The following PTBP3 variants were observed in gnomAD, a reference collection of about 807,000 sequenced individuals.
PTBP3 encodes polypyrimidine tract-binding protein 3.
PTBP3 carries 20 observed loss-of-function variants against 58.7 expected under a neutral mutation model. The ratio of observed to expected loss-of-function variants is 0.34; its 90% CI spans 0.24 to 0.50. The LOEUF (loss-of-function observed/expected upper bound fraction) is 0.50, where lower values mean the gene tolerates loss of function less well. Among genes scored for constraint, PTBP3 ranks in the 20% least tolerant of loss-of-function variants. The pLI is 0.98. For synonymous variants in PTBP3, 185 were observed against 219.8 expected (o/e 0.84, Z 1.40); for missense variants, 509 against 637.2 (o/e 0.80, Z 2.17).
At chr9:112,330,489 TA>T in intron 1 of PTBP3, 1 of 1,509,530 alleles carries the variant, frequency 6.6e-7, no homozygotes, top group Admixed American at 2.0e-5. Flanking sequence ...ATGGAAAAAG[TA>T]AAAAGAGAAA....
At position 112,220,144 on chromosome 9, in the gene PTBP3, T is replaced by A. The variant is rs776608133; in HGVS notation, c.*3707A>T. ...AGTACACATTAGGTTTTCTAAGGGA[T>A]AGGTGGGGAAAAACACATGTACTTT... On this transcript the variant is annotated 3_prime_UTR_variant, in exon 14 of 14. Coordinates refer to ENST00000374257, the MANE Select transcript of PTBP3 (RefSeq NM_001163788.4). 7.7e-7 allele frequency: 1 copy of A among 1,305,538 alleles called. No homozygotes were observed. Among genetic ancestry groups the A allele is most frequent in the East Asian group, 5.1e-5 (1 of 19,658 alleles). 80.9% of individuals were successfully genotyped at this position (1,305,538 alleles called of 1,614,324 possible). A position where few individuals can be genotyped will look rare whatever the true frequency, so the allele number is the denominator to read the frequency against.
At chr9:112,244,558 G>T (rs756645996) in intron 7 of PTBP3, among the ~76,000 whole-genome samples, 16 of 151,744 alleles carry the variant, frequency 1.1e-4, no homozygotes, top group Non-Finnish European at 2.1e-4. Context: ...GTGTGCCTGT[G>T]GTCCTGGCTA....
At chr9:112,290,687 A>ATAT (rs1554799395) in intron 2 of PTBP3, among the ~76,000 whole-genome samples, 4 of 85,008 alleles carry the variant, frequency 4.7e-5, no homozygotes, top group Admixed American at 1.2e-4. Flanking sequence ...AAAAAAAAAA[A>ATAT]ATATATATAT....
At chr9:112,284,125 T>TAC (rs1327862831) in intron 2 of PTBP3, among the ~76,000 whole-genome samples, 3 of 151,638 alleles carry the variant, frequency 2.0e-5, no homozygotes, top group Non-Finnish European at 4.4e-5. Context: ...AGCCCGTACA[T>TAC]ATAGTCCCTG....
chr9:112,340,696 A>G, the PTBP3 span, among the ~76,000 whole-genome samples: 1 of 151,954 alleles, frequency 6.6e-6, no homozygotes, highest in Non-Finnish European at 1.5e-5. Context: ...CAGCCTCAAC[A>G]TGGAGAAACC....
At chr9:112,255,325 A>C (rs1305297734) in intron 5 of PTBP3, among the ~76,000 whole-genome samples, 2 of 152,214 alleles carry the variant, frequency 1.3e-5, no homozygotes, top group Non-Finnish European at 2.9e-5. Flanking sequence ...AATATACTTA[A>C]TGTCACTGAA....
the PTBP3 span, among the ~76,000 whole-genome samples, chr9:112,343,527 C>T: frequency 6.6e-6 from 1 of 152,152 alleles, no homozygotes; most frequent in African/African-American, 2.4e-5. Context: ...TGGTGGCTCT[C>T]ACCTGTAATC....
chr9:112,227,910 A>C (rs1835053651), intron 11 of PTBP3, among the ~76,000 whole-genome samples: 1 of 152,176 alleles, frequency 6.6e-6, no homozygotes, highest in African/African-American at 2.4e-5. Flanking sequence ...TGAAATGGTT[A>C]CTGAATATAT....
chr9:112,252,394 T>C (rs918389350), intron 6 of PTBP3: 15 of 373,984 alleles, frequency 4.0e-5, no homozygotes, highest in Non-Finnish European at 5.9e-5. Flanking sequence ...AGTCAGCTTA[T>C]GTGAGGAGTA....
chr9:112,268,299 A>C (rs1279553745), intron 3 of PTBP3, 104 bp from the exon 4 acceptor site: 1 of 1,126,812 alleles, frequency 8.9e-7, no homozygotes, highest in Admixed American at 3.3e-5. Flanking sequence ...ACTCTCAAGT[A>C]AAATGACATT....
At chr9:112,299,230 G>A (rs916204887) in intron 1 of PTBP3, among the ~76,000 whole-genome samples, 5 of 152,154 alleles carry the variant, frequency 3.3e-5, no homozygotes, top group African/African-American at 1.2e-4. Context: ...GCATCAGTAT[G>A]TTTCTACCTA....
chr9:112,250,758 T>G (rs1391222399), intron 7 of PTBP3, among the ~76,000 whole-genome samples, 171 bp downstream of exon 7: 1 of 152,176 alleles, frequency 6.6e-6, no homozygotes, highest in Admixed American at 6.5e-5. Context: ...TAACAGAACC[T>G]CCTAATATTA....
intron 2 of PTBP3, among the ~76,000 whole-genome samples, chr9:112,284,798 G>A (rs1235217803): frequency 1.3e-5 from 2 of 152,136 alleles, no homozygotes; most frequent in Non-Finnish European, 2.9e-5. Context: ...TATGGCCCTT[G>A]CGTTTTGATC....
At chr9:112,230,899 T>C (rs188381776) in intron 10 of PTBP3, among the ~76,000 whole-genome samples, 6 of 152,348 alleles carry the variant, frequency 3.9e-5, no homozygotes, top group East Asian at 3.9e-4. Context: ...TGGCTTCCGA[T>C]TGTTCTTAGG....
At chr9:112,291,781 G>T (rs1015037079) in intron 2 of PTBP3, among the ~76,000 whole-genome samples, 2 of 152,104 alleles carry the variant, frequency 1.3e-5, no homozygotes, top group African/African-American at 4.8e-5. Flanking sequence ...AGAGACAAAG[G>T]GGGAAAGCTT....
chr9:112,320,352 T>TGA (rs35672097), intron 1 of PTBP3, among the ~76,000 whole-genome samples: 113,577 of 134,884 alleles, frequency 0.84, 48,274 homozygotes, highest in African/African-American at 0.95. Context: ...AAATGATAAG[T>TGA]GACAATGCAT....
chr9:112,370,570 C>T, the PTBP3 span, among the ~76,000 whole-genome samples: 1 of 152,062 alleles, frequency 6.6e-6, no homozygotes, highest in African/African-American at 2.4e-5. Flanking sequence ...AAGTATGAGT[C>T]CTCCAATTGT....
chr9:112,256,857 C>CTTTTTT (rs3983406), intron 5 of PTBP3, among the ~76,000 whole-genome samples: 11 of 151,412 alleles, frequency 7.3e-5, no homozygotes, highest in East Asian at 1.9e-4. Context: ...TTTTTTAAAG[C>CTTTTTT]TTTCATTTTT....
intron 1 of PTBP3, among the ~76,000 whole-genome samples, chr9:112,328,108 AG>A (rs538063992): frequency 1.3e-5 from 2 of 152,248 alleles, no homozygotes; most frequent in African/African-American, 2.4e-5. Context: ...TTCTGAATCC[AG>A]GGAAGCAACT....
Sources: gnomAD v4.1 joint callset for allele counts (sites outside exome capture counted in the v4.1 genomes callset) on GRCh38, gnomAD v4.1.1 for gene constraint, MANE v1.5 for transcripts, NCBI Gene and HGNC (gene_info 2026-07-23, HGNC 2026-07-21) for gene names.